The following TNC variants were observed in gnomAD, a reference collection of about 807,000 sequenced individuals.
TNC encodes the protein tenascin.
In TNC, 109 loss-of-function variants were observed where a neutral mutation model predicts 202.4. That is an observed-to-expected ratio of 0.54 (90% CI 0.46 to 0.63). TNC has a LOEUF of 0.63. Among genes scored for constraint, TNC ranks in the 30% least tolerant of loss-of-function variants. TNC has a pLI of 0.00. For synonymous variants in TNC, 1,007 were observed against 1,089.7 expected (o/e 0.92, Z 1.50); for missense variants, 2,756 against 2,833.3 (o/e 0.97, Z 0.62).
chr9:115,041,124 C>A, intron 18 of TNC, 40 bp from the exon 19 acceptor site: 1 of 1,577,230 alleles, frequency 6.3e-7, no homozygotes, highest in Admixed American at 1.8e-5. Flanking sequence ...TAATGAACCT[C>A]ACTGACACTT....
intron 10 of TNC, among the ~76,000 whole-genome samples, chr9:115,068,464 A>C (rs2132805126): frequency 6.6e-6 from 1 of 152,206 alleles, no homozygotes; most frequent in East Asian, 1.9e-4. Flanking sequence ...TAGGGGAGAA[A>C]GAGTGATTCT....
intron 10 of TNC, among the ~76,000 whole-genome samples, chr9:115,067,869 C>A (rs1001778762): frequency 1.3e-5 from 2 of 150,860 alleles, no homozygotes; most frequent in African/African-American, 2.4e-5. Flanking sequence ...CAAGAAAGAG[C>A]ATTGGTTTAT....
Position 115,046,400 on chromosome 9 carries a change from T to C in TNC, c.5125+10A>G, listed in dbSNP as rs1298746649. 1.2e-6 allele frequency: 2 copies of C among 1,613,324 alleles called. No individual in the cohort carries two copies. The highest frequency in any genetic ancestry group is 3.3e-5 in the Admixed American group (2 of 59,934). On this transcript the variant is annotated intron_variant, in intron 17 of 27. Coordinates refer to ENST00000350763, the MANE Select transcript of TNC (RefSeq NM_002160.4). ...ACTTTTCTCTGTTCTCTCCTGTTTA[T>C]TTACAGTACCTGTTGTTGCTATAGC...
rs1303014388 is a variant in TNC at position 115,024,052 on chromosome 9, G to C, written c.6416C>G (p.Ser2139Cys). ...CCTGTACCAGAAAGCCCCTTTGTAG[G>C]ACAGAGCACAGTTGGTGATGGCTGA... is the stretch of plus-strand genomic sequence containing the variant. ...TDSAITNCAL[S>C]YKGAFWYRNC... Residue 2139 changes from serine (S) to cysteine (C), a missense_variant, in exon 27 of 28, where the codon TCC (serine) becomes TGC (cysteine). Coordinates refer to ENST00000350763, the MANE Select transcript of TNC (RefSeq NM_002160.4). The C allele has an allele frequency of 1.9e-6, 3 of 1,614,012 alleles. No homozygotes were observed. Among genetic ancestry groups the C allele is most frequent in the African/African-American group, 1.3e-5 (1 of 74,930 alleles).
At chr9:115,022,229 G>C (rs868496352) in intron 27 of TNC, among the ~76,000 whole-genome samples, 1 of 152,366 alleles carries the variant, frequency 6.6e-6, no homozygotes. Flanking sequence ...GAGTCTTACA[G>C]GGATGTGAGG....
At position 115,048,268 on chromosome 9, in the gene TNC, A is replaced by C; in HGVS notation, c.4844T>G (p.Ile1615Ser). 6 of 1,613,450 alleles carry C rather than the reference A, an allele frequency of 3.7e-6. No individual in the cohort carries two copies. Among genetic ancestry groups the C allele is most frequent in the Non-Finnish European group, 5.1e-6 (6 of 1,179,624 alleles). The change falls in exon 16 of 28, where the codon ATT becomes AGT. Residue 1615 changes from isoleucine to serine, a missense_variant. Physicochemically the swap from Ile to Ser is moderately radical, Grantham distance 142 (BLOSUM62 -2). Coordinates refer to ENST00000350763, the MANE Select transcript of TNC (RefSeq NM_002160.4). ...GHQTKPLRAEIVTEAEPEVDN... is the reference protein window; with the variant it reads ...GHQTKPLRAESVTEAEPEVDN... The stretch of plus-strand genomic sequence containing the variant: ...CACTTGATTTGAAATACCTGTAACA[A>C]TCTCAGCCCTCAAGGGCTTGGTTTG...
Position 115,030,117 on chromosome 9 carries a change from C to T in TNC, c.6072+137G>A, listed in dbSNP as rs565235714. The T allele has an allele frequency of 4.3e-4, 362 of 851,702 alleles. 1 individual carries two copies. The highest frequency in any genetic ancestry group is 5.7e-4 in the Non-Finnish European group (325 of 573,000). The allele number at this position is 851,702 out of a possible 1,614,324, so 52.8% of individuals were successfully genotyped here. ...AGAATTCCTGAGTGCCTCTGTGTGA[C>T]AGGCACTATCTTGCAAGGCCTCACA... On this transcript the variant is annotated intron_variant, in intron 24 of 27. Transcript: ENST00000350763.
Position 115,090,675 on chromosome 9 carries a change from G to T in TNC, c.344C>A (p.Ala115Glu). The change falls in exon 2 of 28, where the codon GCA becomes GAA. Residue 115 changes from alanine (A) to glutamate (E), a missense_variant. Physicochemically the swap from Ala to Glu is moderately radical, Grantham distance 107. This residue lies in a region of TNC where 2,559 missense variants were observed against 2,546.0 expected (regional missense o/e 1.01). Coordinates refer to ENST00000350763, the MANE Select transcript of TNC (RefSeq NM_002160.4). ...NIPRRACGCA[A>E]APDVKELLSR... ...CAGCAGCTCCTTAACATCAGGGGCTGCGGCACAGCCACAGGCCCGGCGGGG... is the reference window on the plus strand; with the variant it reads ...CAGCAGCTCCTTAACATCAGGGGCTTCGGCACAGCCACAGGCCCGGCGGGG... 2 of 1,614,152 alleles carry T rather than the reference G, an allele frequency of 1.2e-6. No homozygotes were observed. Among genetic ancestry groups the T allele is most frequent in the Non-Finnish European group, 1.7e-6 (2 of 1,179,996 alleles).
intron 1 of TNC, among the ~76,000 whole-genome samples, chr9:115,113,756 C>A (rs897862950): frequency 6.6e-6 from 1 of 152,212 alleles, no homozygotes; most frequent in Non-Finnish European, 1.5e-5. Context: ...TTTTTAAAAT[C>A]TCCATTCACA....
At chr9:115,083,977 G>A (rs1470557120) in intron 4 of TNC, among the ~76,000 whole-genome samples, 3 of 152,206 alleles carry the variant, frequency 2.0e-5, no homozygotes, top group Non-Finnish European at 2.9e-5. Flanking sequence ...CTTGCTAAAT[G>A]TTACTTGTAA....
At chr9:115,112,664 A>T (rs961844437) in intron 1 of TNC, 1 of 152,282 alleles carries the variant, frequency 6.6e-6, no homozygotes, top group Non-Finnish European at 1.5e-5. Flanking sequence ...TCACAAGACC[A>T]TCCCACAGTC....
Position 115,026,578 on chromosome 9 carries a change from T to C in TNC, c.6287A>G (p.Lys2096Arg). Residue 2096 changes from lysine to arginine, a missense_variant, in exon 26 of 28, where the codon AAG (lysine) becomes AGG (arginine). Around this residue, in one of 2 missense-constraint regions of TNC, gnomAD observed 197 missense variants for 287.3 expected, o/e 0.69. Coordinates refer to ENST00000350763, the MANE Select transcript of TNC (RefSeq NM_002160.4). ...VYDKFSVGDA[K>R]TRYKLKVEGY... The stretch of plus-strand genomic sequence containing the variant: ...CTCCACCTTCAGCTTGTAGCGAGTC[T>C]TGGCATCTCCCACGCTGAACTTGTC... 1.2e-6 allele frequency: 2 copies of C among 1,614,048 alleles called. No individual in the cohort carries two copies. The highest frequency in any genetic ancestry group is 1.7e-6 in the Non-Finnish European group (2 of 1,179,980).
At position 115,059,887 on chromosome 9, in the gene TNC, C is replaced by T; in HGVS notation, c.4149G>A (p.Glu1383=). ...TCTGGGCTGCCTCCACTTTGTTGAC[C>T]TCCTGCACCTGAATGACAAAGTGCT... ...AYEHFVIQVQ[E]VNKVEAAQNL... is the part of the protein sequence containing the mutation. The change falls in exon 14 of 28, where the codon GAG becomes GAA. Residue 1383 remains glutamate, a synonymous_variant. Coordinates refer to ENST00000350763, the MANE Select transcript of TNC (RefSeq NM_002160.4). The T allele has an allele frequency of 1.2e-6, 2 of 1,614,092 alleles. No homozygotes were observed. The highest frequency in any genetic ancestry group is 1.3e-5 in the African/African-American group (1 of 75,036).
intron 27 of TNC, 71 bp from the exon 28 acceptor site, chr9:115,021,338 T>C: frequency 9.6e-7 from 1 of 1,038,016 alleles, no homozygotes; most frequent in South Asian, 1.3e-5. Context: ...TTAGGCGAGG[T>C]GTTCACTGAT....
chr9:115,073,697 C>T lies in TNC; in HGVS notation c.3120G>A (p.Leu1040=). ...QLPRNTTSYV[L]RGLEPGQEYN... ...ACTCCTGTCCTGGTTCCAGGCCTCT[C>T]AGGACATAGGAAGTGGTGTTTCTTG... is the stretch of plus-strand genomic sequence containing the variant. The change falls in exon 10 of 28, where the codon CTG becomes CTA. Residue 1040 remains leucine (L), a synonymous_variant. Transcript: ENST00000350763. The T allele has an allele frequency of 6.2e-7, 1 of 1,614,112 alleles. No homozygotes were observed. Among genetic ancestry groups the T allele is most frequent in the Non-Finnish European group, 8.5e-7 (1 of 1,180,016 alleles).
intron 1 of TNC, among the ~76,000 whole-genome samples, chr9:115,093,601 C>T (rs1165233917): frequency 2.0e-5 from 3 of 150,872 alleles, no homozygotes; most frequent in African/African-American, 7.3e-5. Context: ...TTTCCTACCC[C>T]TTTTCCATCA....
intron 18 of TNC, among the ~76,000 whole-genome samples, chr9:115,041,314 G>GAA: frequency 7.6e-6 from 1 of 131,704 alleles, no homozygotes; most frequent in East Asian, 2.3e-4. Flanking sequence ...AGGGGCGGGG[G>GAA]AAAACATGAA....
chr9:115,090,961 T>G lies in TNC; in HGVS notation c.58A>C (p.Thr20Pro). The G allele has an allele frequency of 6.2e-7, 1 of 1,614,004 alleles. No individual in the cohort carries two copies. The highest frequency in any genetic ancestry group is 2.2e-5 in the East Asian group (1 of 44,868). Residue 20 changes from threonine to proline, a missense_variant, in exon 2 of 28, where the codon ACC becomes CCC. Around this residue, in one of 2 missense-constraint regions of TNC, gnomAD observed 2,559 missense variants for 2,546.0 expected, o/e 1.01. Transcript: ENST00000350763. ...GVFLAFLALATEGGVLKKVIR... is the reference protein window; with the variant it reads ...GVFLAFLALAPEGGVLKKVIR... The stretch of plus-strand genomic sequence containing the variant: ...ACTTTCTTGAGGACCCCACCTTCGG[T>G]AGCGAGGGCAAGGAAAGCAAGAAAG...
At chr9:115,070,154 C>A (rs1472289377) in intron 10 of TNC, among the ~76,000 whole-genome samples, 1 of 152,100 alleles carries the variant, frequency 6.6e-6, no homozygotes, top group Non-Finnish European at 1.5e-5. Flanking sequence ...CCAATACTTG[C>A]ATAATATCAA....
Sources: allele counts gnomAD v4.1 joint callset (sites outside exome capture counted in the v4.1 genomes callset), GRCh38; gene constraint gnomAD v4.1.1; regional missense constraint gnomAD v4.1.1; transcripts MANE v1.5; gene names NCBI Gene and HGNC (gene_info 2026-07-23, HGNC 2026-07-21).